DNMT3A: variants seen among roughly 807,000 people sequenced by gnomAD.
The protein encoded by DNMT3A is DNA (cytosine-5)-methyltransferase 3A.
In DNMT3A, 267 loss-of-function variants were observed where a neutral mutation model predicts 117.6. The ratio of observed to expected loss-of-function variants is 2.27; its 90% CI spans 2.05 to 2.51. The LOEUF (loss-of-function observed/expected upper bound fraction) is 2.51, where lower values mean the gene tolerates loss of function less well. DNMT3A is among the 30% of genes most tolerant of loss of function. The pLI is 0.00. For synonymous variants in DNMT3A, 432 were observed against 474.8 expected, an observed-to-expected ratio of 0.91 and a Z score of 1.17; for missense variants, 1,029 against 1,260.2, an observed-to-expected ratio of 0.82 and a Z score of 2.78.
At chr2:25,320,070 A>G (rs1459440037) in intron 1 of DNMT3A, among the ~76,000 whole-genome samples, 16 of 152,322 alleles carry the variant, frequency 1.1e-4, no homozygotes, top group African/African-American at 3.6e-4. Context: ...GTGCCCAGCC[A>G]TGAATGGATT....
At position 25,239,166 on chromosome 2, in the gene DNMT3A, GC is replaced by G; in HGVS notation, c.2371del (p.Ala791ProfsTer11). On this transcript the variant is annotated frameshift_variant, in exon 20 of 23. Transcript: ENST00000321117. LOFTEE classifies it high-confidence loss of function. ...DAKEVSAAHR[A>X]RYFWGNLPGM... ...GGGAAGGTTACCCCAGAAGTAGCGGGCCCTGTGTGCAGCTGACACTTCTTTG... is the reference window on the plus strand; with the variant it reads ...GGGAAGGTTACCCCAGAAGTAGCGGGCCTGTGTGCAGCTGACACTTCTTTG... 6.2e-7 allele frequency: 1 copy of G among 1,614,104 alleles called. No homozygotes were observed. The highest frequency in any genetic ancestry group is 8.5e-7 in the Non-Finnish European group (1 of 1,179,978).
chr2:25,244,653 C>T lies in DNMT3A; in HGVS notation c.1555-1G>A, dbSNP rs759936287. The stretch of plus-strand genomic sequence containing the variant: ...GGTACGCACACTCCAGAAAGCAGTT[C>T]TAGACAGCAGCGGGAAGGGTCAGAA... On this transcript the variant is annotated splice_acceptor_variant, in intron 13 of 22. Transcript: ENST00000321117. LOFTEE classifies it high-confidence loss of function. The T allele has an allele frequency of 3.1e-6, 5 of 1,613,906 alleles. No homozygotes were observed. Among genetic ancestry groups the T allele is most frequent in the African/African-American group, 1.3e-5 (1 of 74,924 alleles).
rs890219458 is a variant in DNMT3A, at chr2:25,233,587, G to A, written c.*692C>T. 2.1e-5 allele frequency: 5 copies of A among 233,260 alleles called. No homozygotes were observed. The highest frequency in any genetic ancestry group is 4.2e-5 in the Non-Finnish European group (5 of 117,976). The allele number at this position is 233,260 out of a possible 1,614,324, so 14.4% of individuals were successfully genotyped here. ...GAAATACTGTAGAAAAATGTCTTGT[G>A]TGGTGTTCTCGTCTCCCTGCTGCTA... On this transcript the variant is annotated 3_prime_UTR_variant, in exon 23 of 23. Transcript: ENST00000321117.
chr2:25,265,136 G>A (rs1482770921), intron 6 of DNMT3A, among the ~76,000 whole-genome samples: 1 of 152,172 alleles, frequency 6.6e-6, no homozygotes, highest in Admixed American at 6.5e-5. Context: ...TGAAAAAACA[G>A]CAATTCAAGG....
At chr2:25,316,335 G>A (rs2034379753) in intron 1 of DNMT3A, among the ~76,000 whole-genome samples, 1 of 152,218 alleles carries the variant, frequency 6.6e-6, no homozygotes. Flanking sequence ...GACAGGAAAG[G>A]AAAGGAAGAT....
chr2:25,250,100 C>T (rs943103161), intron 6 of DNMT3A, among the ~76,000 whole-genome samples: 14 of 152,168 alleles, frequency 9.2e-5, no homozygotes, highest in African/African-American at 3.1e-4. Flanking sequence ...TTCTGGAAAG[C>T]TTTTCTGACC....
chr2:25,246,152 C>A lies in DNMT3A; in HGVS notation c.1429+8G>T, dbSNP rs2149299491. 6.2e-7 allele frequency: 1 copy of A among 1,614,048 alleles called. No individual in the cohort carries two copies. The highest frequency in any genetic ancestry group is 8.5e-7 in the Non-Finnish European group (1 of 1,179,930). On this transcript the variant is annotated splice_region_variant and intron_variant, in intron 11 of 22. Coordinates refer to ENST00000321117, the MANE Select transcript of DNMT3A (RefSeq NM_022552.5). Reference sequence around the variant, plus strand: ...TGGTGCCACCCTCTCCAGAAGCAGGCCAACTACCTCTTGTGCGCTCATCAA... The same window carrying A: ...TGGTGCCACCCTCTCCAGAAGCAGGACAACTACCTCTTGTGCGCTCATCAA...
chr2:25,267,196 T>C (rs2030439225), intron 6 of DNMT3A, among the ~76,000 whole-genome samples: 2 of 152,128 alleles, frequency 1.3e-5, no homozygotes, highest in Admixed American at 1.3e-4. Flanking sequence ...GAAGCAAAAT[T>C]ATATATTTAC....
In DNMT3A at chr2:25,247,268, G is replaced by C; in HGVS notation, c.1015-110C>G. ...GCCTCGAGAGTCAGTCTCAGCCCTGGAGGGGACCAGATACAGTGATAAATA... is the reference window on the plus strand; with the variant it reads ...GCCTCGAGAGTCAGTCTCAGCCCTGCAGGGGACCAGATACAGTGATAAATA... On this transcript the variant is annotated intron_variant, in intron 8 of 22. Transcript: ENST00000321117. The surrounding 1 kb of genome is among the most constrained non-coding windows in gnomAD (Gnocchi z 5.6). 1.9e-6 allele frequency: 2 copies of C among 1,066,850 alleles called. No individual in the cohort carries two copies. The highest frequency in any genetic ancestry group is 2.8e-6 in the Non-Finnish European group (2 of 714,716). 66.1% of individuals were successfully genotyped at this position (1,066,850 alleles called of 1,614,324 possible).
intron 1 of DNMT3A, 36 bp from the exon 2 acceptor site, chr2:25,314,197 ACCCC>A: frequency 7.1e-7 from 1 of 1,401,952 alleles, no homozygotes; most frequent in East Asian, 2.7e-5. Flanking sequence ...GGGGCGGAGC[ACCCC>A]ACCCTCCCTG....
intron 6 of DNMT3A, among the ~76,000 whole-genome samples, chr2:25,255,508 C>T (rs1183874260): frequency 6.6e-6 from 1 of 152,128 alleles, no homozygotes; most frequent in Non-Finnish European, 1.5e-5. Context: ...CCAGTGTGGT[C>T]CAATGGAGAG....
At position 25,282,323 on chromosome 2, in the gene DNMT3A, C is replaced by T. The variant is rs114783583; in HGVS notation, c.448+118G>A. ...GCCTCCAGGCCATAGCCTTGGCAAG[C>T]AGACCTTTAGCCACGACCCAGACCA... On this transcript the variant is annotated intron_variant, in intron 4 of 22. Transcript: ENST00000321117. The surrounding 1 kb of genome is among the most constrained non-coding windows in gnomAD (Gnocchi z 5.2). The T allele has an allele frequency of 3.5e-5, 52 of 1,498,856 alleles. No homozygotes were observed. The highest frequency in any genetic ancestry group is 4.6e-5 in the Non-Finnish European group (51 of 1,117,504). The allele number at this position is 1,498,856 out of a possible 1,614,324, so 92.8% of individuals were successfully genotyped here.
chr2:25,316,199 A>G (rs2034375186), intron 1 of DNMT3A, among the ~76,000 whole-genome samples: 1 of 152,228 alleles, frequency 6.6e-6, no homozygotes, highest in Non-Finnish European at 1.5e-5. Context: ...CCCTAGGCTT[A>G]GGGACACCCA....
intron 3 of DNMT3A, among the ~76,000 whole-genome samples, chr2:25,285,692 A>T (rs1171863826): frequency 2.0e-5 from 3 of 152,230 alleles, no homozygotes; most frequent in African/African-American, 7.2e-5. Context: ...GTGGAACGGC[A>T]GACCCCTGCC....
Position 25,247,767 on chromosome 2 carries a change from A to T in DNMT3A, c.856-18T>A. 6.2e-7 allele frequency: 1 copy of T among 1,610,234 alleles called. No homozygotes were observed. The highest frequency in any genetic ancestry group is 8.5e-7 in the Non-Finnish European group (1 of 1,179,796). On this transcript the variant is annotated intron_variant, in intron 7 of 22. Coordinates refer to ENST00000321117, the MANE Select transcript of DNMT3A (RefSeq NM_022552.5). The surrounding 1 kb of genome is among the most constrained non-coding windows in gnomAD (Gnocchi z 5.6). Reference sequence around the variant, plus strand: ...CGGCCGTCCTGGAGCCCCAAGGAGCAGAAATCATTACACAGTGGTCACGAG... The same window carrying T: ...CGGCCGTCCTGGAGCCCCAAGGAGCTGAAATCATTACACAGTGGTCACGAG...
At chr2:25,285,633 G>A (rs1346580252) in intron 3 of DNMT3A, among the ~76,000 whole-genome samples, 2 of 152,252 alleles carry the variant, frequency 1.3e-5, no homozygotes, top group African/African-American at 4.8e-5. Context: ...GTGCTTGGGG[G>A]CTTGGGCTGA....
At chr2:25,295,591 T>C (rs958697679) in intron 3 of DNMT3A, among the ~76,000 whole-genome samples, 2 of 152,212 alleles carry the variant, frequency 1.3e-5, no homozygotes, top group African/African-American at 2.4e-5. Flanking sequence ...TGAATTCACA[T>C]ATTAACTGAC....
intron 3 of DNMT3A, among the ~76,000 whole-genome samples, chr2:25,295,411 G>T (rs1050499709): frequency 6.6e-6 from 1 of 152,270 alleles, no homozygotes; most frequent in Non-Finnish European, 1.5e-5. Context: ...CAGTGCTGCA[G>T]ACAACTAGGC....
At chr2:25,255,420 T>C (rs1676024138) in intron 6 of DNMT3A, among the ~76,000 whole-genome samples, 1 of 152,182 alleles carries the variant, frequency 6.6e-6, no homozygotes, top group Admixed American at 6.5e-5. Flanking sequence ...TAAAAGTATG[T>C]TGAAAGGAGG....
Sources: gnomAD v4.1 joint callset for allele counts (sites outside exome capture counted in the v4.1 genomes callset) on GRCh38, gnomAD v4.1.1 for gene constraint, Gnocchi (gnomAD v3.1) non-coding constraint, MANE v1.5 for transcripts, NCBI Gene and HGNC (gene_info 2026-07-23, HGNC 2026-07-21) for gene names.